Variants in DCC observed in about 807,000 individuals in gnomAD.
DCC encodes netrin receptor DCC.
DCC carries 58 observed loss-of-function variants against 172.5 expected under a neutral mutation model. The ratio of observed to expected loss-of-function variants is 0.34; its 90% CI spans 0.27 to 0.42. The LOEUF (loss-of-function observed/expected upper bound fraction) is 0.42, where lower values mean the gene tolerates loss of function less well. Ranked by LOEUF, DCC falls within the 10% of genes least tolerant of loss-of-function variation. DCC has a pLI of 1.00. For missense variants in DCC, 1,740 were observed against 1,791.0 expected (o/e 0.97, Z 0.51); for synonymous variants, 709 against 644.5 (o/e 1.10, Z -1.52).
At chr18:53,409,374 T>C (rs916727628) in intron 19 of DCC, among the ~76,000 whole-genome samples, 1 of 152,136 alleles carries the variant, frequency 6.6e-6, no homozygotes, top group African/African-American at 2.4e-5. Flanking sequence ...ACACTTGTTC[T>C]TAAGAAAACG....
chr18:52,552,191 G>T (rs1343621565), intron 1 of DCC, among the ~76,000 whole-genome samples: 1 of 151,914 alleles, frequency 6.6e-6, no homozygotes, highest in East Asian at 1.9e-4. Flanking sequence ...AAGGTCAAAG[G>T]CAGGTAGATT....
Position 53,107,576 on chromosome 18 carries a change from C to A in DCC, c.1261+41410C>A, listed in dbSNP as rs117179282. Reference sequence around the variant, plus strand: ...AAAAGAGGAAGACGTGGTTCCTAACCTCAAACAGCTTATACTAAAGTTTGT... The same window carrying A: ...AAAAGAGGAAGACGTGGTTCCTAACATCAAACAGCTTATACTAAAGTTTGT... On this transcript the variant is annotated intron_variant, in intron 7 of 28. Coordinates refer to ENST00000442544, the MANE Select transcript of DCC (RefSeq NM_005215.4). Among the ~76,000 whole-genome samples, 102 of 146,950 alleles carry A rather than the reference C, an allele frequency of 6.9e-4. 1 individual carries two copies. In the Middle Eastern group the frequency reaches 0.015, roughly 22 times the overall value.
At chr18:52,777,471 T>C (rs1225862759) in intron 2 of DCC, among the ~76,000 whole-genome samples, 2 of 136,710 alleles carry the variant, frequency 1.5e-5, no homozygotes, top group Admixed American at 6.9e-5. Flanking sequence ...TTCCCATCTG[T>C]GTGTCTCACT....
chr18:52,583,863 C>G (rs1397117671), intron 1 of DCC, among the ~76,000 whole-genome samples: 6 of 152,162 alleles, frequency 3.9e-5, no homozygotes, highest in African/African-American at 1.4e-4. Context: ...TAGCAATGTC[C>G]CATTTCCATA....
chr18:53,190,947 G>GAAACAAAC (rs751588842), intron 9 of DCC, among the ~76,000 whole-genome samples: 1 of 151,954 alleles, frequency 6.6e-6, no homozygotes, highest in African/African-American at 2.4e-5. Context: ...TCCGTCTTAA[G>GAAACAAAC]AAACAAACAA....
chr18:53,002,365 C>A (rs2041579074), intron 5 of DCC, among the ~76,000 whole-genome samples: 1 of 152,100 alleles, frequency 6.6e-6, no homozygotes, highest in South Asian at 2.1e-4. Context: ...ATGCCCCTGA[C>A]AATACAGAAA....
chr18:53,104,028 A>G (rs887144872), intron 7 of DCC, among the ~76,000 whole-genome samples: 2 of 152,092 alleles, frequency 1.3e-5, no homozygotes, highest in African/African-American at 4.8e-5. Flanking sequence ...AATTAAAATT[A>G]ATGCTAAAAT....
At chr18:52,363,218 C>G (rs1568133386) in intron 1 of DCC, among the ~76,000 whole-genome samples, 1 of 152,200 alleles carries the variant, frequency 6.6e-6, no homozygotes, top group Non-Finnish European at 1.5e-5. Flanking sequence ...GGTTTACCAT[C>G]ACATAGGAGA....
At chr18:52,819,485 T>C (rs2038364845) in intron 2 of DCC, among the ~76,000 whole-genome samples, 1 of 152,238 alleles carries the variant, frequency 6.6e-6, no homozygotes, top group African/African-American at 2.4e-5. Flanking sequence ...TATTTCATGA[T>C]GTCTGCAAAG....
chr18:53,314,466 C>T (rs2057321090), intron 13 of DCC, among the ~76,000 whole-genome samples: 1 of 152,104 alleles, frequency 6.6e-6, no homozygotes, highest in Non-Finnish European at 1.5e-5. Context: ...TTCAGTGCAA[C>T]CTAAGGAAGA....
chr18:52,805,856 C>T (rs1379485642), intron 2 of DCC, among the ~76,000 whole-genome samples: 1 of 152,154 alleles, frequency 6.6e-6, no homozygotes, highest in African/African-American at 2.4e-5. Context: ...TAGGCAGTAC[C>T]AGCTGACATG....
intron 2 of DCC, among the ~76,000 whole-genome samples, chr18:52,871,348 A>G (rs2145383540): frequency 6.6e-6 from 1 of 152,124 alleles, no homozygotes; most frequent in East Asian, 1.9e-4. Flanking sequence ...TGCCCACAGC[A>G]AAGTTTATAG....
intron 1 of DCC, among the ~76,000 whole-genome samples, chr18:52,726,295 C>G (rs2036551097): frequency 6.6e-6 from 1 of 152,162 alleles, no homozygotes; most frequent in Non-Finnish European, 1.5e-5. Context: ...TAACCACTAT[C>G]CTTTCTCTCT....
intron 2 of DCC, among the ~76,000 whole-genome samples, chr18:52,888,625 A>G (rs1161985338): frequency 6.6e-6 from 1 of 152,082 alleles, no homozygotes; most frequent in Non-Finnish European, 1.5e-5. Context: ...ACATACATAT[A>G]TATAAATATT....
intron 5 of DCC, among the ~76,000 whole-genome samples, chr18:53,052,056 AT>A (rs1212172674): frequency 3.3e-5 from 5 of 151,794 alleles, no homozygotes; most frequent in African/African-American, 1.2e-4. Flanking sequence ...TCTCATTTAC[AT>A]TCACTCTGAT....
At chr18:52,715,624 G>A (rs902741955) in intron 1 of DCC, among the ~76,000 whole-genome samples, 1 of 152,042 alleles carries the variant, frequency 6.6e-6, no homozygotes, top group Non-Finnish European at 1.5e-5. Context: ...TTTTTTCTGA[G>A]GCTGACTTCC....
At chr18:53,277,118 A>T (rs928978321) in intron 12 of DCC, among the ~76,000 whole-genome samples, 1 of 152,206 alleles carries the variant, frequency 6.6e-6, no homozygotes, top group African/African-American at 2.4e-5. Flanking sequence ...CTCTCAACAC[A>T]TATACAGGAA....
intron 5 of DCC, among the ~76,000 whole-genome samples, chr18:53,055,047 C>T (rs1197463418): frequency 1.3e-5 from 2 of 152,068 alleles, no homozygotes; most frequent in Non-Finnish European, 2.9e-5. Context: ...CATCTGCAGC[C>T]AGAAGATGAC....
At chr18:52,680,873 A>G (rs1599013975) in intron 1 of DCC, among the ~76,000 whole-genome samples, 1 of 152,110 alleles carries the variant, frequency 6.6e-6, no homozygotes, top group East Asian at 1.9e-4. Flanking sequence ...CCTAACATAG[A>G]TAACATGATA....
Sources: gnomAD v4.1 joint callset for allele counts (sites outside exome capture counted in the v4.1 genomes callset) on GRCh38, gnomAD v4.1.1 for gene constraint, MANE v1.5 for transcripts, NCBI Gene and HGNC (gene_info 2026-07-23, HGNC 2026-07-21) for gene names.